The following USPL1 variants were observed in gnomAD, a reference collection of about 807,000 sequenced individuals.
USPL1 encodes SUMO-specific isopeptidase USPL1.
In USPL1, 27 loss-of-function variants were observed where a neutral mutation model predicts 51.5. The observed-to-expected ratio is 0.52, with a 90% CI of 0.39 to 0.72. The LOEUF is 0.72. Ranked by LOEUF, USPL1 falls within the 30% of genes least tolerant of loss-of-function variation. The pLI is 0.00. For missense variants in USPL1, 1,226 were observed against 1,268.0 expected (o/e 0.97, Z 0.50); for synonymous variants, 451 against 459.6 (o/e 0.98, Z 0.24).
chr13:30,627,194 T>G (rs1203657821), intron 3 of USPL1, among the ~76,000 whole-genome samples: 2 of 152,134 alleles, frequency 1.3e-5, no homozygotes, highest in Non-Finnish European at 2.9e-5. Context: ...TTTATGACTT[T>G]TTTGAAGACA....
intron 5 of USPL1, among the ~76,000 whole-genome samples, chr13:30,639,394 A>G (rs1950917782): frequency 6.6e-6 from 1 of 151,928 alleles, no homozygotes; most frequent in Non-Finnish European, 1.5e-5. Context: ...TATTAAAATT[A>G]ATATATAATA....
intron 6 of USPL1, among the ~76,000 whole-genome samples, chr13:30,644,696 T>C (rs2137682674): frequency 6.6e-6 from 1 of 152,264 alleles, no homozygotes; most frequent in South Asian, 2.1e-4. Context: ...TTAAAAGCCA[T>C]GGAACAAAGA....
chr13:30,652,700 T>G (rs941677484), intron 7 of USPL1, among the ~76,000 whole-genome samples: 4 of 152,226 alleles, frequency 2.6e-5, no homozygotes, highest in Non-Finnish European at 5.9e-5. Context: ...TTAATGCTTT[T>G]TTGAATATCT....
intron 4 of USPL1, among the ~76,000 whole-genome samples, chr13:30,633,407 G>A (rs1311886328): frequency 6.6e-6 from 1 of 151,988 alleles, no homozygotes; most frequent in Non-Finnish European, 1.5e-5. Flanking sequence ...GGGGATGGAT[G>A]GTACTGAACC....
chr13:30,630,984 A>C lies in USPL1; in HGVS notation c.378A>C (p.Arg126Ser), dbSNP rs1351533568. 6.2e-7 allele frequency: 1 copy of C among 1,614,022 alleles called. No individual in the cohort carries two copies. The highest frequency in any genetic ancestry group is 8.5e-7 in the Non-Finnish European group (1 of 1,180,058). Residue 126 changes from arginine to serine, a missense_variant, in exon 4 of 9, where the codon AGA becomes AGC. Transcript: ENST00000255304. ...SLLLANSKKT[R>S]NYIAIDGGKV... ...TTTTAGCAAATTCCAAAAAGACTAG[A>C]AATTATATTGCTATTGACGGTGGAA...
intron 3 of USPL1, among the ~76,000 whole-genome samples, chr13:30,627,504 G>A (rs79843359): frequency 0.01 from 1,455 of 144,272 alleles, 29 homozygotes; most frequent in African/African-American, 0.037. Context: ...GGCCTCTTAT[G>A]GTTTATTACT....
At position 30,657,512 on chromosome 13, in the gene USPL1, T is replaced by G; in HGVS notation, c.1435T>G (p.Ser479Ala). 2 of 1,611,012 alleles carry G rather than the reference T, an allele frequency of 1.2e-6. No individual in the cohort carries two copies. The highest frequency in any genetic ancestry group is 8.5e-7 in the Non-Finnish European group (1 of 1,178,900). ...LECDDLKGPC[S>A]ERHKKFEVPA... is the part of the protein sequence containing the mutation. ...ATGTGATGACTTAAAAGGCCCATGT[T>G]CTGAAAGGCACAAGAAATTTGAAGT... The change falls in exon 9 of 9, where the codon TCT becomes GCT. Residue 479 changes from serine (S) to alanine (A), a missense_variant. Coordinates refer to ENST00000255304, the MANE Select transcript of USPL1 (RefSeq NM_005800.5).
chr13:30,659,404 G>A lies in USPL1; in HGVS notation c.*48G>A. 1 of 1,418,684 alleles carries A rather than the reference G, an allele frequency of 7.0e-7. No individual in the cohort carries two copies. The highest frequency in any genetic ancestry group is 9.4e-7 in the Non-Finnish European group (1 of 1,067,898). 87.9% of individuals were successfully genotyped at this position (1,418,684 alleles called of 1,614,324 possible). A position where few individuals can be genotyped will look rare whatever the true frequency, so the allele number is the denominator to read the frequency against. On this transcript the variant is annotated 3_prime_UTR_variant, in exon 9 of 9. Coordinates refer to ENST00000255304, the MANE Select transcript of USPL1 (RefSeq NM_005800.5). Reference sequence around the variant, plus strand: ...CATATAATATTTATTATTATTAGAAGAACTTACAATGTGTTCAGGTAGTGT... The same window carrying A: ...CATATAATATTTATTATTATTAGAAAAACTTACAATGTGTTCAGGTAGTGT...
chr13:30,640,394 A>G (rs1950931199), intron 5 of USPL1, among the ~76,000 whole-genome samples: 1 of 152,164 alleles, frequency 6.6e-6, no homozygotes, highest in East Asian at 1.9e-4. Context: ...AAAACTTTTT[A>G]AAACTTATTT....
intron 4 of USPL1, among the ~76,000 whole-genome samples, chr13:30,633,784 CAAA>C (rs61682331): frequency 4.8e-5 from 2 of 41,272 alleles, no homozygotes; most frequent in African/African-American, 9.0e-5. Context: ...GACTCTGTCT[CAAA>C]AAAAAAAAAA....
Position 30,658,926 on chromosome 13 carries a change from G to A in USPL1, c.2849G>A (p.Ser950Asn), listed in dbSNP as rs3742302. ...NELPYPIDIA[S>N]ESACTTVPGV... ...CTACCATATCCAATTGATATTGCCA[G>A]TGAGTCTGCATGCACCACTGTTCCT... Residue 950 changes from serine to asparagine, a missense_variant, in exon 9 of 9, where the codon AGT becomes AAT. By Grantham distance (46) the Ser-to-Asn change is conservative (BLOSUM62 1). Transcript: ENST00000255304. 0.42 allele frequency: 674,183 copies of A among 1,613,886 alleles called. 148,957 individuals carry two copies. The highest frequency in any genetic ancestry group is 0.78 in the African/African-American group (58,608 of 74,956).
chr13:30,657,462 C>T lies in USPL1; in HGVS notation c.1397-12C>T. 1 of 1,563,702 alleles carries T rather than the reference C, an allele frequency of 6.4e-7. No homozygotes were observed. The highest frequency in any genetic ancestry group is 1.2e-5 in the South Asian group (1 of 81,342). ...TTGAATATCTAACTTTCACTTCTTTCCCATCTTCCAGGAAGTTGGCTGGAA... is the reference window on the plus strand; with the variant it reads ...TTGAATATCTAACTTTCACTTCTTTTCCATCTTCCAGGAAGTTGGCTGGAA... On this transcript the variant is annotated splice_polypyrimidine_tract_variant and intron_variant, in intron 8 of 8. Transcript: ENST00000255304.
At chr13:30,641,890 G>C (rs960511083) in intron 5 of USPL1, among the ~76,000 whole-genome samples, 1 of 151,876 alleles carries the variant, frequency 6.6e-6, no homozygotes, top group Non-Finnish European at 1.5e-5. Context: ...AACATCTGTA[G>C]CAAACCATTT....
chr13:30,638,137 C>G (rs34133318), intron 5 of USPL1, among the ~76,000 whole-genome samples: 1 of 152,158 alleles, frequency 6.6e-6, no homozygotes, highest in Non-Finnish European at 1.5e-5. Context: ...TTCTCTAGTA[C>G]GTTTCCTAGT....
intron 7 of USPL1, among the ~76,000 whole-genome samples, chr13:30,651,759 G>C (rs1053868121): frequency 6.6e-6 from 1 of 152,184 alleles, no homozygotes; most frequent in South Asian, 2.1e-4. Flanking sequence ...TCAGCAGTTC[G>C]AGACCAGCCT....
At chr13:30,640,357 A>G (rs1950930404) in intron 5 of USPL1, among the ~76,000 whole-genome samples, 1 of 152,178 alleles carries the variant, frequency 6.6e-6, no homozygotes. Flanking sequence ...CATTTCTAGG[A>G]TATTGATTTG....
chr13:30,655,957 A>G (rs1951158085), intron 8 of USPL1, among the ~76,000 whole-genome samples: 1 of 152,168 alleles, frequency 6.6e-6, no homozygotes, highest in Non-Finnish European at 1.5e-5. Context: ...TTTCTGTTTC[A>G]TAGATGTGTA....
intron 8 of USPL1, among the ~76,000 whole-genome samples, chr13:30,656,215 G>T (rs1381303638): frequency 1.3e-5 from 2 of 152,010 alleles, no homozygotes; most frequent in Non-Finnish European, 2.9e-5. Context: ...TTTTGTTGTA[G>T]TGGTAAAATA....
intron 8 of USPL1, 141 bp from the exon 9 acceptor site, chr13:30,657,333 G>A (rs1951177202): frequency 1.2e-6 from 1 of 841,184 alleles, no homozygotes. Flanking sequence ...GGCAGACAAT[G>A]GTGACAAGGT....
Sources: gnomAD v4.1 joint callset for allele counts (sites outside exome capture counted in the v4.1 genomes callset) on GRCh38, gnomAD v4.1.1 for gene constraint, MANE v1.5 for transcripts, NCBI Gene and HGNC (gene_info 2026-07-23, HGNC 2026-07-21) for gene names.